The following UNC13C variants were observed in gnomAD, a reference collection of about 807,000 sequenced individuals.
The protein encoded by UNC13C is unc-13 homolog C, also known as protein unc-13 homolog C.
In UNC13C, 174 loss-of-function variants were observed where a neutral mutation model predicts 245.4. The observed-to-expected ratio is 0.71, with a 90% CI of 0.63 to 0.80. The LOEUF is 0.80. UNC13C is among the 30% of genes least tolerant of loss of function. The pLI, the probability that UNC13C is intolerant of heterozygous loss-of-function variation, is 0.00. For missense variants in UNC13C, 2,829 were observed against 2,602.9 expected (o/e 1.09, Z -1.89); for synonymous variants, 992 against 895.1 (o/e 1.11, Z -1.93).
chr15:54,176,500 A>G (rs753273661), intron 4 of UNC13C, among the ~76,000 whole-genome samples: 6 of 152,106 alleles, frequency 3.9e-5, no homozygotes, highest in Non-Finnish European at 8.8e-5. Context: ...TCTAACCCTT[A>G]TGATAATATT....
At position 54,007,465 on chromosome 15, in the gene UNC13C, A is replaced by G. The variant is rs961698393; in HGVS notation, c.-256-5183A>G. ...ATGATGTCATGTTCTTTGCAGGGACATGGATGAAGGTGGAAGCCATTATCC... is the reference window on the plus strand; with the variant it reads ...ATGATGTCATGTTCTTTGCAGGGACGTGGATGAAGGTGGAAGCCATTATCC... On this transcript the variant is annotated intron_variant, in intron 1 of 32. Transcript: ENST00000260323. Among the ~76,000 whole-genome samples, 5 of 152,166 alleles carry G rather than the reference A, an allele frequency of 3.3e-5. No homozygotes were observed. The East Asian group carries it at 7.7e-4, about 23-fold the overall frequency.
chr15:53,970,648 G>A, the UNC13C span, among the ~76,000 whole-genome samples: 1 of 152,006 alleles, frequency 6.6e-6, no homozygotes, highest in South Asian at 2.1e-4. Context: ...ATGGACACAT[G>A]GGGGGAAACA....
At chr15:54,458,771 C>T (rs1313442336) in intron 19 of UNC13C, among the ~76,000 whole-genome samples, 1 of 133,032 alleles carries the variant, frequency 7.5e-6, no homozygotes, top group Non-Finnish European at 1.6e-5. Flanking sequence ...ATCCCTTTAC[C>T]TTAAGTTTAT....
intron 1 of UNC13C, among the ~76,000 whole-genome samples, chr15:53,989,300 C>T (rs1314052110): frequency 6.7e-6 from 1 of 148,804 alleles, no homozygotes; most frequent in East Asian, 2.0e-4. Flanking sequence ...AAGCTGTCAA[C>T]AAAATCTGAT....
At chr15:54,307,752 CACCAT>C (rs2037764196) in intron 13 of UNC13C, among the ~76,000 whole-genome samples, 2 of 151,906 alleles carry the variant, frequency 1.3e-5, no homozygotes. Context: ...TCCAGTCACA[CACCAT>C]TGCTCTTGTA....
chr15:54,441,690 T>C (rs1240936152), intron 19 of UNC13C, among the ~76,000 whole-genome samples: 1 of 126,840 alleles, frequency 7.9e-6, no homozygotes, highest in African/African-American at 3.0e-5. Context: ...TGTGGCTACA[T>C]AGGAATTTTA....
the UNC13C span, among the ~76,000 whole-genome samples, chr15:53,871,123 T>C: frequency 6.6e-6 from 1 of 152,344 alleles, no homozygotes; most frequent in Admixed American, 6.5e-5. Flanking sequence ...CCTTGATTTC[T>C]TCTCAAATTC....
intron 30 of UNC13C, among the ~76,000 whole-genome samples, chr15:54,616,829 G>A (rs962508110): frequency 3.3e-5 from 5 of 151,910 alleles, no homozygotes; most frequent in Non-Finnish European, 4.4e-5. Context: ...CATCACTCAC[G>A]CATTGACTCA....
intron 24 of UNC13C, among the ~76,000 whole-genome samples, 199 bp from the exon 25 acceptor site, chr15:54,525,349 TG>T (rs1895400079): frequency 6.6e-6 from 1 of 151,852 alleles, no homozygotes; most frequent in Non-Finnish European, 1.5e-5. Context: ...AACAATTTTT[TG>T]TATATGAGAA....
chr15:53,977,227 C>A (rs768326163), upstream of UNC13C, among the ~76,000 whole-genome samples: 1 of 152,150 alleles, frequency 6.6e-6, no homozygotes, highest in South Asian at 2.1e-4. Context: ...GCTGCTAGTA[C>A]CCAACATATA....
the UNC13C span, among the ~76,000 whole-genome samples, chr15:53,923,867 T>A: frequency 6.6e-6 from 1 of 152,216 alleles, no homozygotes; most frequent in African/African-American, 2.4e-5. Flanking sequence ...AATAGCAATT[T>A]AGGTTCTAAG....
intron 2 of UNC13C, among the ~76,000 whole-genome samples, chr15:54,112,783 C>T (rs907314019): frequency 7.2e-5 from 11 of 152,204 alleles, no homozygotes; most frequent in Non-Finnish European, 1.0e-4. Flanking sequence ...TTTTAACGCT[C>T]ATGTCAGTTG....
chr15:54,584,582 C>G (rs1166635135), intron 30 of UNC13C, among the ~76,000 whole-genome samples: 1 of 152,204 alleles, frequency 6.6e-6, no homozygotes, highest in Non-Finnish European at 1.5e-5. Context: ...AAAGAATAGA[C>G]AGATGAACTG....
Position 54,082,456 on chromosome 15 carries a change from G to T in UNC13C, c.2984-60562G>T, listed in dbSNP as rs1213094680. ...TAGCCCCATGTTTCTTATGTGCTTT[G>T]TTCATTAATTTTTTTTAAATTTTGT... On this transcript the variant is annotated intron_variant, in intron 2 of 32. Transcript: ENST00000260323. Among the ~76,000 whole-genome samples the T allele has an allele frequency of 2.6e-5, 4 of 152,068 alleles. No homozygotes were observed. In the South Asian group the frequency reaches 8.3e-4, roughly 32 times the overall value.
the UNC13C span, among the ~76,000 whole-genome samples, chr15:53,904,130 T>A: frequency 6.6e-6 from 1 of 152,170 alleles, no homozygotes; most frequent in African/African-American, 2.4e-5. Flanking sequence ...TTTAATCTTG[T>A]TGGATGTTCA....
chr15:54,437,699 G>A (rs762213444), intron 19 of UNC13C, among the ~76,000 whole-genome samples: 6 of 152,012 alleles, frequency 3.9e-5, no homozygotes, highest in Non-Finnish European at 7.4e-5. Context: ...GAACACTGTT[G>A]ACAAGGAACA....
At chr15:54,469,043 C>G (rs922330978) in intron 19 of UNC13C, among the ~76,000 whole-genome samples, 3 of 151,604 alleles carry the variant, frequency 2.0e-5, no homozygotes, top group African/African-American at 7.2e-5. Flanking sequence ...GACATTTTAA[C>G]AATATTAATT....
At chr15:54,121,716 A>C (rs1244945045) in intron 2 of UNC13C, among the ~76,000 whole-genome samples, 5 of 151,906 alleles carry the variant, frequency 3.3e-5, no homozygotes, top group Non-Finnish European at 7.4e-5. Context: ...TTCTGAGTGT[A>C]TTGTCTTTAT....
At chr15:53,914,105 TCAGGCCTGTGTGCCCAAAGCTTATATGC>T in the UNC13C span, 107,085 of 150,796 alleles carry the variant, frequency 0.71, 38,107 homozygotes, top group Admixed American at 0.76. Context: ...TGTGTATGTA[TCAGGCCTGTGTGCCCAAAGCTTATATGC>T]CAGGCCTGTG....
Sources: allele counts gnomAD v4.1 joint callset (sites outside exome capture counted in the v4.1 genomes callset), GRCh38; gene constraint gnomAD v4.1.1; transcripts MANE v1.5; gene names NCBI Gene and HGNC (gene_info 2026-07-23, HGNC 2026-07-21).